POU6F2: variants seen among roughly 807,000 people sequenced by gnomAD.
POU6F2 encodes the protein POU class 6 homeobox 2.
In POU6F2, 31 loss-of-function variants were observed where a neutral mutation model predicts 71.3. The ratio of observed to expected loss-of-function variants is 0.43; its 90% CI spans 0.33 to 0.59. POU6F2 has a LOEUF of 0.59. POU6F2 is among the 20% of genes least tolerant of loss of function. POU6F2 has a pLI of 0.04. For synonymous variants in POU6F2, 347 were observed against 355.7 expected, an observed-to-expected ratio of 0.98 and a Z score of 0.27; for missense variants, 783 against 856.8, an observed-to-expected ratio of 0.91 and a Z score of 1.07.
At chr7:39,446,548 T>A (rs1311959676) in intron 7 of POU6F2, among the ~76,000 whole-genome samples, 1 of 152,190 alleles carries the variant, frequency 6.6e-6, no homozygotes, top group Non-Finnish European at 1.5e-5. Flanking sequence ...AGAAGATACC[T>A]GGGGATCAGT....
At chr7:39,369,656 GCCCAGTCAATT>G (rs1786570116) in intron 5 of POU6F2, among the ~76,000 whole-genome samples, 1 of 152,080 alleles carries the variant, frequency 6.6e-6, no homozygotes, top group Non-Finnish European at 1.5e-5. Context: ...GAGCCACCAT[GCCCAGTCAATT>G]GTTAGCATTT....
At chr7:39,037,917 A>G (rs1562681001) in intron 1 of POU6F2, among the ~76,000 whole-genome samples, 2 of 152,066 alleles carry the variant, frequency 1.3e-5, no homozygotes, top group South Asian at 2.1e-4. Context: ...TTAAGCAAGC[A>G]AGAGACATGC....
At chr7:39,028,693 G>C (rs1051558144) in intron 1 of POU6F2, among the ~76,000 whole-genome samples, 1 of 151,858 alleles carries the variant, frequency 6.6e-6, no homozygotes, top group Non-Finnish European at 1.5e-5. Context: ...CATTTTTACA[G>C]GTTTTCTTTA....
intron 6 of POU6F2, among the ~76,000 whole-genome samples, chr7:39,414,317 G>A (rs1328544252): frequency 6.6e-6 from 1 of 152,208 alleles, no homozygotes; most frequent in African/African-American, 2.4e-5. Context: ...CACGTTTGCA[G>A]AGATAAGGGA....
intron 4 of POU6F2, among the ~76,000 whole-genome samples, chr7:39,236,871 C>A (rs186566163): frequency 1.3e-5 from 2 of 152,224 alleles, no homozygotes; most frequent in East Asian, 3.9e-4. Context: ...CTGTAAGTAT[C>A]CTTTATTTTT....
Position 39,333,399 on chromosome 7 carries a change from C to G in POU6F2, c.599-6243C>G, listed in dbSNP as rs143314403. On this transcript the variant is annotated intron_variant, in intron 4 of 9. Transcript: ENST00000518318. ...ATTTCTTTTCTTTCCAACCAATGAT[C>G]TTGTTTCAATTTTTTTTTTCTAATG... Among the ~76,000 whole-genome samples the G allele has an allele frequency of 2.7e-4, 41 of 152,140 alleles. 1 individual carries two copies. The East Asian group carries it at 7.7e-3, about 29-fold the overall frequency.
At chr7:39,332,029 G>A (rs1785665355) in intron 4 of POU6F2, among the ~76,000 whole-genome samples, 1 of 152,096 alleles carries the variant, frequency 6.6e-6, no homozygotes, top group African/African-American at 2.4e-5. Context: ...TTAGGAAGTG[G>A]CTAGCATCTT....
intron 5 of POU6F2, among the ~76,000 whole-genome samples, chr7:39,362,001 A>G (rs1454965250): frequency 6.6e-6 from 1 of 152,220 alleles, no homozygotes; most frequent in African/African-American, 2.4e-5. Context: ...GGACAGTGCC[A>G]GGTCCCCTCT....
chr7:39,111,968 T>C (rs1288538603), intron 2 of POU6F2, among the ~76,000 whole-genome samples: 1 of 152,114 alleles, frequency 6.6e-6, no homozygotes, highest in Non-Finnish European at 1.5e-5. Flanking sequence ...CAAGAAGAAT[T>C]ATAAAATAGC....
intron 5 of POU6F2, among the ~76,000 whole-genome samples, chr7:39,399,602 C>T (rs1273354132): frequency 2.6e-5 from 4 of 152,118 alleles, no homozygotes; most frequent in Non-Finnish European, 5.9e-5. Flanking sequence ...ACGTATAATC[C>T]CAGTGCTTTG....
intron 6 of POU6F2, among the ~76,000 whole-genome samples, chr7:39,425,975 A>G (rs1787960977): frequency 6.6e-6 from 1 of 152,086 alleles, no homozygotes; most frequent in Non-Finnish European, 1.5e-5. Context: ...AGCCACTTTA[A>G]ATTGCAAATA....
At chr7:39,096,675 T>C (rs1012613753) in intron 2 of POU6F2, among the ~76,000 whole-genome samples, 2 of 152,232 alleles carry the variant, frequency 1.3e-5, no homozygotes, top group Non-Finnish European at 2.9e-5. Flanking sequence ...TTAGAAGGCA[T>C]TAAAATTGCA....
chr7:39,059,875 T>C (rs1205251656), intron 1 of POU6F2, among the ~76,000 whole-genome samples: 1 of 152,168 alleles, frequency 6.6e-6, no homozygotes, highest in Non-Finnish European at 1.5e-5. Flanking sequence ...TTATACATGC[T>C]ACAACAGGGA....
At chr7:39,282,008 A>G (rs1784572057) in intron 4 of POU6F2, among the ~76,000 whole-genome samples, 1 of 151,994 alleles carries the variant, frequency 6.6e-6, no homozygotes, top group African/African-American at 2.4e-5. Context: ...GTGGTATCTC[A>G]TTTTGGTTTT....
intron 4 of POU6F2, among the ~76,000 whole-genome samples, chr7:39,289,991 T>G (rs1784721251): frequency 1.3e-5 from 2 of 152,210 alleles, no homozygotes; most frequent in African/African-American, 4.8e-5. Context: ...AGAATAGGCA[T>G]AAGACTCAGG....
chr7:39,015,774 ATT>A (rs1246549716), intron 1 of POU6F2, among the ~76,000 whole-genome samples: 1 of 100,188 alleles, frequency 1.0e-5, no homozygotes, highest in African/African-American at 4.2e-5. Flanking sequence ...TATTATATAT[ATT>A]ATATATGGTA....
chr7:39,213,470 T>G (rs1026200985), intron 4 of POU6F2, among the ~76,000 whole-genome samples: 2 of 152,230 alleles, frequency 1.3e-5, no homozygotes, highest in African/African-American at 4.8e-5. Context: ...TAAATGAGTT[T>G]TGATAATTGC....
chr7:39,004,625 T>C (rs1346495778), intron 1 of POU6F2, among the ~76,000 whole-genome samples: 2 of 152,234 alleles, frequency 1.3e-5, no homozygotes, highest in Non-Finnish European at 2.9e-5. Flanking sequence ...ACATTTAGTC[T>C]TGTCCGCACT....
At chr7:39,177,128 A>G (rs1457294404) in intron 2 of POU6F2, among the ~76,000 whole-genome samples, 1 of 152,222 alleles carries the variant, frequency 6.6e-6, no homozygotes, top group Non-Finnish European at 1.5e-5. Context: ...TCAGGTCACT[A>G]TAGGAGGATC....
Sources: allele counts gnomAD v4.1 joint callset (sites outside exome capture counted in the v4.1 genomes callset), GRCh38; gene constraint gnomAD v4.1.1; transcripts MANE v1.5; gene names NCBI Gene and HGNC (gene_info 2026-07-23, HGNC 2026-07-21).